Variants in HECW2 observed in about 807,000 individuals in gnomAD.
HECW2 encodes the protein E3 ubiquitin-protein ligase HECW2.
HECW2 carries 61 observed loss-of-function variants against 175.2 expected under a neutral mutation model. That is an observed-to-expected ratio of 0.35 (90% CI 0.28 to 0.43). The LOEUF (loss-of-function observed/expected upper bound fraction) is 0.43. Ranked by LOEUF, HECW2 falls within the 20% of genes least tolerant of loss-of-function variation. The pLI is 1.00. For synonymous variants in HECW2, 671 were observed against 731.0 expected, an observed-to-expected ratio of 0.92 and a Z score of 1.32; for missense variants, 1,524 against 2,000.5, an observed-to-expected ratio of 0.76 and a Z score of 4.54.
chr2:196,555,239 G>A (rs1019768293), intron 1 of HECW2, among the ~76,000 whole-genome samples: 1 of 152,142 alleles, frequency 6.6e-6, no homozygotes, highest in Admixed American at 6.5e-5. Flanking sequence ...GCGGGGAGGT[G>A]CAAGATCAAG....
At chr2:196,318,381 C>T (rs1410864913) in intron 9 of HECW2, among the ~76,000 whole-genome samples, 171 bp downstream of exon 9, 1 of 152,208 alleles carries the variant, frequency 6.6e-6, no homozygotes, top group African/African-American at 2.4e-5. Context: ...GTTTCCTTCT[C>T]TTCCTGGCCC....
chr2:196,304,125 T>A lies in HECW2; in HGVS notation c.2814+2363A>T, dbSNP rs149129410. Among the ~76,000 whole-genome samples the A allele has an allele frequency of 3.3e-5, 5 of 152,286 alleles. No homozygotes were observed. In the East Asian group the frequency reaches 9.6e-4, roughly 29 times the overall value. ...AATAAAGCCCAAATACCTTGCCAGATCATGCAAGCCCAACCTTCTGTAGCC... is the reference window on the plus strand; with the variant it reads ...AATAAAGCCCAAATACCTTGCCAGAACATGCAAGCCCAACCTTCTGTAGCC... On this transcript the variant is annotated intron_variant, in intron 13 of 28. Coordinates refer to ENST00000644978, the MANE Select transcript of HECW2 (RefSeq NM_001348768.2).
At chr2:196,444,713 G>C (rs1338189155) in intron 1 of HECW2, among the ~76,000 whole-genome samples, 2 of 152,214 alleles carry the variant, frequency 1.3e-5, no homozygotes, top group African/African-American at 4.8e-5. Context: ...AGTTGGACAA[G>C]GGTGAACAGG....
intron 3 of HECW2, among the ~76,000 whole-genome samples, chr2:196,342,036 C>T (rs1046855130): frequency 1.3e-5 from 2 of 152,056 alleles, no homozygotes; most frequent in African/African-American, 2.4e-5. Flanking sequence ...AAATCTTTTG[C>T]ATATACTAAT....
chr2:196,452,646 A>G (rs988482186), intron 1 of HECW2, among the ~76,000 whole-genome samples: 1 of 152,164 alleles, frequency 6.6e-6, no homozygotes, highest in Non-Finnish European at 1.5e-5. Context: ...AGATGAAGAA[A>G]GCTAACCAAC....
At chr2:196,277,318 ACT>A (rs913059240) in intron 15 of HECW2, among the ~76,000 whole-genome samples, 7 of 152,126 alleles carry the variant, frequency 4.6e-5, no homozygotes. Context: ...ATATAAATCA[ACT>A]CTCTCAAAAA....
intron 1 of HECW2, among the ~76,000 whole-genome samples, chr2:196,449,058 G>A (rs983897907): frequency 9.9e-4 from 151 of 152,290 alleles, no homozygotes; most frequent in Non-Finnish European, 1.5e-3. Flanking sequence ...TGGGGTGAGT[G>A]TCCGTGGCAC....
intron 2 of HECW2, among the ~76,000 whole-genome samples, chr2:196,418,556 G>A (rs947684544): frequency 2.0e-5 from 3 of 152,112 alleles, no homozygotes; most frequent in Admixed American, 2.0e-4. Context: ...TATTCTTCAT[G>A]TCAAACAAGT....
At chr2:196,263,684 A>C (rs1298623940) in intron 17 of HECW2, 1 of 152,238 alleles carries the variant, frequency 6.6e-6, no homozygotes, top group Non-Finnish European at 1.5e-5. Context: ...TGGGAATTTA[A>C]GTCCATTATG....
chr2:196,306,734 A>G, intron 12 of HECW2, 122 bp from the exon 13 acceptor site: 3 of 975,570 alleles, frequency 3.1e-6, no homozygotes, highest in Non-Finnish European at 4.3e-6. Flanking sequence ...TCATCATTTT[A>G]ATCCCCCAAT....
chr2:196,470,117 G>C (rs1257978508), intron 1 of HECW2, among the ~76,000 whole-genome samples: 2 of 152,062 alleles, frequency 1.3e-5, no homozygotes, highest in African/African-American at 4.8e-5. Context: ...TTTATATTCT[G>C]TTTTATAACA....
intron 1 of HECW2, among the ~76,000 whole-genome samples, chr2:196,513,545 G>T (rs1192886720): frequency 7.2e-5 from 11 of 152,128 alleles, no homozygotes; most frequent in Admixed American, 1.3e-4. Context: ...TTTAATACCT[G>T]TTCAGCATAA....
intron 2 of HECW2, among the ~76,000 whole-genome samples, chr2:196,380,503 T>C (rs1305583956): frequency 6.6e-6 from 1 of 152,230 alleles, no homozygotes; most frequent in Non-Finnish European, 1.5e-5. Flanking sequence ...CAAGTGGTAT[T>C]GCCACCTCAG....
chr2:196,439,205 T>C (rs955860231), intron 1 of HECW2, among the ~76,000 whole-genome samples: 4 of 152,224 alleles, frequency 2.6e-5, no homozygotes, highest in Admixed American at 2.6e-4. Flanking sequence ...GTTATTTTAG[T>C]AGGCAAACAT....
intron 4 of HECW2, chr2:196,331,055 A>T (rs895304513): frequency 3.0e-6 from 2 of 670,152 alleles, no homozygotes; most frequent in Non-Finnish European, 3.7e-6. Context: ...TTCCATTCAA[A>T]TTTTGAAGTA....
At chr2:196,220,206 G>C (rs1687616452) in intron 25 of HECW2, 53 bp from the exon 26 acceptor site, 1 of 1,165,744 alleles carries the variant, frequency 8.6e-7, no homozygotes, top group South Asian at 1.2e-5. Flanking sequence ...AGAAATATCA[G>C]CTATAATTAA....
chr2:196,508,892 C>A (rs1039760934), intron 1 of HECW2, among the ~76,000 whole-genome samples: 1 of 152,106 alleles, frequency 6.6e-6, no homozygotes, highest in African/African-American at 2.4e-5. Context: ...CATGGTGAAA[C>A]CCTGTCTCTA....
At chr2:196,347,025 T>A (rs1439716353) in intron 2 of HECW2, among the ~76,000 whole-genome samples, 4 of 143,770 alleles carry the variant, frequency 2.8e-5, no homozygotes, top group Non-Finnish European at 3.0e-5. Flanking sequence ...AAAAAAAAAA[T>A]TCCATTTCCG....
chr2:196,257,378 A>G (rs2105922979), intron 18 of HECW2, among the ~76,000 whole-genome samples: 1 of 152,360 alleles, frequency 6.6e-6, no homozygotes, highest in East Asian at 1.9e-4. Flanking sequence ...TGATTTCCCA[A>G]ACGTACACCC....
Sources: allele counts gnomAD v4.1 joint callset (sites outside exome capture counted in the v4.1 genomes callset), GRCh38; gene constraint gnomAD v4.1.1; transcripts MANE v1.5; gene names NCBI Gene and HGNC (gene_info 2026-07-23, HGNC 2026-07-21).